Variants in PKIG observed in about 807,000 individuals in gnomAD.
PKIG encodes the protein protein kinase (cAMP-dependent, catalytic) inhibitor gamma.
Under a neutral mutation model 6.8 loss-of-function variants are expected in PKIG, and 1 was observed. The observed-to-expected ratio is 0.15, with a 90% CI of 0.05 to 0.69. The LOEUF is 0.69. Among genes scored for constraint, PKIG ranks in the 30% least tolerant of loss-of-function variants. PKIG has a pLI of 0.82. For missense variants in PKIG, 77 were observed against 104.0 expected (o/e 0.74, Z 1.13); for synonymous variants, 39 against 43.0 (o/e 0.91, Z 0.36).
At chr20:44,609,468 A>C (rs2065194342) in intron 2 of PKIG, among the ~76,000 whole-genome samples, 1 of 152,170 alleles carries the variant, frequency 6.6e-6, no homozygotes. Context: ...CCAAGAAGGA[A>C]CTGCGGCTCC....
chr20:44,606,539 T>TACA (rs2065165052), intron 2 of PKIG, among the ~76,000 whole-genome samples: 4 of 152,164 alleles, frequency 2.6e-5, no homozygotes, highest in Non-Finnish European at 1.5e-5. Context: ...CCAGGCATGG[T>TACA]GGCTCACGCT....
chr20:44,578,263 C>T (rs1453708227), upstream of PKIG, among the ~76,000 whole-genome samples: 1 of 150,210 alleles, frequency 6.7e-6, no homozygotes, highest in African/African-American at 2.5e-5. Context: ...ATGGCGTGAA[C>T]CTGGGAGGCG....
intron 1 of PKIG, among the ~76,000 whole-genome samples, chr20:44,558,092 C>A (rs990476783): frequency 6.6e-6 from 1 of 151,706 alleles, no homozygotes; most frequent in African/African-American, 2.4e-5. Flanking sequence ...AATATGTACT[C>A]TATGCCATCC....
At chr20:44,563,444 G>T (rs1034712808) in intron 1 of PKIG, among the ~76,000 whole-genome samples, 1 of 151,890 alleles carries the variant, frequency 6.6e-6, no homozygotes, top group Non-Finnish European at 1.5e-5. Context: ...GTTTGTTTCT[G>T]TTTTTGTCTA....
At chr20:44,540,108 A>T (rs1012818769) in intron 1 of PKIG, among the ~76,000 whole-genome samples, 2 of 151,494 alleles carry the variant, frequency 1.3e-5, no homozygotes, top group African/African-American at 4.9e-5. Flanking sequence ...CTACAGGCGC[A>T]TGCCACCACG....
chr20:44,536,593 T>C (rs925074915), intron 1 of PKIG, among the ~76,000 whole-genome samples: 3 of 152,104 alleles, frequency 2.0e-5, no homozygotes, highest in Non-Finnish European at 4.4e-5. Context: ...CTGGTGGGGC[T>C]TTGACTAGGG....
chr20:44,570,730 AAGGC>A (rs770327029), intron 1 of PKIG, among the ~76,000 whole-genome samples: 4 of 152,202 alleles, frequency 2.6e-5, no homozygotes, highest in Non-Finnish European at 5.9e-5. Context: ...GCAGCAGTGA[AAGGC>A]AGTAAAGAAA....
In PKIG at chr20:44,614,792, C is replaced by A; in HGVS notation, c.151+85C>A. The stretch of plus-strand genomic sequence containing the variant: ...GCTAGCCTCCAAGTCCTAGACTGCC[C>A]ATACTTTCTTAGAGAAGAAACCACA... On this transcript the variant is annotated intron_variant, in intron 3 of 3. Transcript: ENST00000372886. The surrounding 1 kb of genome is among the most constrained non-coding windows in gnomAD (Gnocchi z 4.6). 7.1e-7 allele frequency: 1 copy of A among 1,399,310 alleles called. No individual in the cohort carries two copies. Among genetic ancestry groups the A allele is most frequent in the Non-Finnish European group, 9.8e-7 (1 of 1,016,158 alleles). 86.7% of individuals were successfully genotyped at this position (1,399,310 alleles called of 1,614,324 possible).
chr20:44,558,023 A>G (rs2064730279), intron 1 of PKIG, among the ~76,000 whole-genome samples: 1 of 146,690 alleles, frequency 6.8e-6, no homozygotes, highest in Non-Finnish European at 1.5e-5. Flanking sequence ...TAAAATCACT[A>G]GTCATTAGTA....
intron 1 of PKIG, among the ~76,000 whole-genome samples, chr20:44,546,047 A>G (rs2064610759): frequency 6.6e-6 from 1 of 152,108 alleles, no homozygotes. Flanking sequence ...CAGGAGTTCG[A>G]GACACAAGCC....
At chr20:44,587,184 TAGAC>T (rs1277941546) in intron 1 of PKIG, among the ~76,000 whole-genome samples, 9 of 152,294 alleles carry the variant, frequency 5.9e-5, no homozygotes, top group South Asian at 4.1e-4. Flanking sequence ...CAAGGGAAGA[TAGAC>T]AGAGGAGTGA....
intron 2 of PKIG, among the ~76,000 whole-genome samples, chr20:44,605,055 C>A (rs1427119112): frequency 6.6e-6 from 1 of 151,940 alleles, no homozygotes; most frequent in South Asian, 2.1e-4. Context: ...GAGAAGGAAA[C>A]CATCCTACAA....
intron 1 of PKIG, among the ~76,000 whole-genome samples, chr20:44,540,670 C>T (rs1328460981): frequency 6.6e-6 from 1 of 152,048 alleles, no homozygotes; most frequent in Non-Finnish European, 1.5e-5. Context: ...CCTCTACCTC[C>T]TGGGTTCAAA....
rs1054430386 is a variant in PKIG at position 44,577,383 on chromosome 20, C to T, written c.-240-5202C>T. On this transcript the variant is annotated intron_variant, in intron 1 of 4. Coordinates refer to the PKIG transcript ENST00000372887. ...TCCTGACCTCAAGTGACCTGCTCGC[C>T]TCAGCCTCCCAAAGTGCTGGGATTA... is the stretch of plus-strand genomic sequence containing the variant. 4.5e-4 allele frequency among the ~76,000 whole-genome samples: 68 copies of T among 152,240 alleles called. 1 individual carries two copies. Among genetic ancestry groups the T allele is most frequent in the South Asian group, 2.1e-4 (1 of 4,832 alleles).
intron 1 of PKIG, among the ~76,000 whole-genome samples, chr20:44,538,986 G>A (rs768703888): frequency 2.0e-4 from 30 of 151,444 alleles, no homozygotes; most frequent in Non-Finnish European, 2.9e-4. Context: ...ATGCAGTGGC[G>A]TGATCTCCAC....
At chr20:44,560,796 C>G (rs1600852478) in intron 1 of PKIG, among the ~76,000 whole-genome samples, 1 of 152,162 alleles carries the variant, frequency 6.6e-6, no homozygotes, top group Non-Finnish European at 1.5e-5. Flanking sequence ...CTGGCAGAAG[C>G]AAATGCAAAT....
chr20:44,537,532 C>A (rs1260318257), intron 1 of PKIG, among the ~76,000 whole-genome samples: 1 of 151,904 alleles, frequency 6.6e-6, no homozygotes, highest in East Asian at 1.9e-4. Context: ...CCGTGCCCTG[C>A]CTGTGTTCAG....
intron 1 of PKIG, among the ~76,000 whole-genome samples, chr20:44,551,943 T>C (rs1389006202): frequency 6.6e-6 from 1 of 152,212 alleles, no homozygotes; most frequent in Admixed American, 6.5e-5. Flanking sequence ...TTTTTATTTA[T>C]TTAACCATTA....
chr20:44,577,617 A>G (rs1265451325), upstream of PKIG, among the ~76,000 whole-genome samples: 1 of 152,150 alleles, frequency 6.6e-6, no homozygotes, highest in African/African-American at 2.4e-5. Context: ...GTAAATCTCA[A>G]TCAATATACT....
Sources: gnomAD v4.1 joint callset for allele counts (sites outside exome capture counted in the v4.1 genomes callset) on GRCh38, gnomAD v4.1.1 for gene constraint, Gnocchi (gnomAD v3.1) non-coding constraint, MANE v1.5 for transcripts, NCBI Gene and HGNC (gene_info 2026-07-23, HGNC 2026-07-21) for gene names.